The following SLC35F1 variants were observed in gnomAD, a reference collection of about 807,000 sequenced individuals.
SLC35F1 encodes the protein chromosome 6 open reading frame 169.
SLC35F1 carries 14 observed loss-of-function variants against 48.7 expected under a neutral mutation model. The ratio of observed to expected loss-of-function variants is 0.29; its 90% confidence interval spans 0.19 to 0.45. SLC35F1 has a LOEUF of 0.45. SLC35F1 is among the 20% of genes least tolerant of loss of function. The probability of loss-of-function intolerance (pLI) is 1.00; values close to 1 mark genes in which losing one functional copy is unlikely to be tolerated. For missense variants in SLC35F1, 404 were observed against 500.0 expected, an observed-to-expected ratio of 0.81 and a Z score of 1.83; for synonymous variants, 190 against 202.2, an observed-to-expected ratio of 0.94 and a Z score of 0.51.
intron 1 of SLC35F1, among the ~76,000 whole-genome samples, chr6:118,144,797 T>C (rs1000811359): frequency 6.6e-6 from 1 of 152,156 alleles, no homozygotes; most frequent in Non-Finnish European, 1.5e-5. Flanking sequence ...ATTTTTAACA[T>C]GTAAATTGAC....
chr6:118,277,416 T>TG (rs1017883948), intron 5 of SLC35F1, 78 bp from the exon 6 acceptor site: 153 of 1,277,352 alleles, frequency 1.2e-4, no homozygotes, highest in African/African-American at 2.8e-4. Context: ...ATCTGATAAG[T>TG]GGGGGGGAAA....
At chr6:118,081,883 A>T (rs1240952092) in intron 1 of SLC35F1, among the ~76,000 whole-genome samples, 1 of 152,174 alleles carries the variant, frequency 6.6e-6, no homozygotes. Flanking sequence ...GACTTGGCCC[A>T]TGATTTACTC....
intron 1 of SLC35F1, among the ~76,000 whole-genome samples, chr6:118,123,802 C>T (rs543603275): frequency 6.6e-6 from 1 of 152,148 alleles, no homozygotes; most frequent in South Asian, 2.1e-4. Flanking sequence ...AACTCTGAGT[C>T]AAAATGGTAA....
At chr6:117,998,965 T>C (rs922783279) in intron 1 of SLC35F1, 2 of 1,001,180 alleles carry the variant, frequency 2.0e-6, no homozygotes. Flanking sequence ...CCGCGGCTTA[T>C]GGTGCAGACA....
At chr6:118,079,969 A>G (rs989060057) in intron 1 of SLC35F1, among the ~76,000 whole-genome samples, 4 of 152,150 alleles carry the variant, frequency 2.6e-5, no homozygotes, top group Non-Finnish European at 5.9e-5. Context: ...GCATGTCCAT[A>G]TCTCCAAACT....
intron 1 of SLC35F1, among the ~76,000 whole-genome samples, chr6:118,089,377 A>C (rs895387827): frequency 1.3e-5 from 2 of 152,214 alleles, no homozygotes; most frequent in Non-Finnish European, 2.9e-5. Context: ...AACCTAAAAG[A>C]AACAAAAGAA....
At chr6:117,953,106 G>C (rs1400570946) in intron 1 of SLC35F1, among the ~76,000 whole-genome samples, 1 of 152,172 alleles carries the variant, frequency 6.6e-6, no homozygotes, top group East Asian at 1.9e-4. Flanking sequence ...ACTGATGGTA[G>C]AGAGTAGTTG....
At chr6:118,195,722 T>C (rs1198374239) in intron 2 of SLC35F1, among the ~76,000 whole-genome samples, 1 of 152,180 alleles carries the variant, frequency 6.6e-6, no homozygotes, top group African/African-American at 2.4e-5. Flanking sequence ...CCAGTTTCTG[T>C]TGTGACTTCC....
intron 2 of SLC35F1, among the ~76,000 whole-genome samples, chr6:118,156,328 G>T (rs535605751): frequency 6.6e-6 from 1 of 151,914 alleles, no homozygotes; most frequent in Admixed American, 6.6e-5. Context: ...CCTCAGGAGG[G>T]CCTGAGAACA....
At chr6:118,225,257 C>T (rs1239095578) in intron 2 of SLC35F1, among the ~76,000 whole-genome samples, 1 of 152,028 alleles carries the variant, frequency 6.6e-6, no homozygotes, top group African/African-American at 2.4e-5. Context: ...AAAGTTATGG[C>T]AATTAAATCA....
At chr6:118,259,631 C>A (rs1454217110) in intron 3 of SLC35F1, among the ~76,000 whole-genome samples, 2 of 135,952 alleles carry the variant, frequency 1.5e-5, no homozygotes, top group East Asian at 2.0e-4. Flanking sequence ...GGTTTAATAT[C>A]ATTTGTCACT....
At chr6:117,925,169 T>G (rs1160723761) in intron 1 of SLC35F1, among the ~76,000 whole-genome samples, 1 of 152,178 alleles carries the variant, frequency 6.6e-6, no homozygotes, top group Non-Finnish European at 1.5e-5. Context: ...TTACCTCAGA[T>G]AGTTAATCTA....
chr6:117,976,002 C>T lies in SLC35F1; in HGVS notation c.173+68103C>T, dbSNP rs530120473. Among the ~76,000 whole-genome samples, 9 of 152,308 alleles carry T rather than the reference C, an allele frequency of 5.9e-5. No individual in the cohort carries two copies. The South Asian group carries it at 1.9e-3, about 32-fold the overall frequency. On this transcript the variant is annotated intron_variant, in intron 1 of 7. Transcript: ENST00000360388. The stretch of plus-strand genomic sequence containing the variant: ...GTAGTACAGAACATTCACGTTGCCT[C>T]TCATGAATTTTAAGACAAGCTGTAA...
At chr6:118,259,349 G>C (rs1326049465) in intron 3 of SLC35F1, among the ~76,000 whole-genome samples, 1 of 151,874 alleles carries the variant, frequency 6.6e-6, no homozygotes, top group Non-Finnish European at 1.5e-5. Flanking sequence ...TTTTAAAAGT[G>C]TATACTCTTT....
At chr6:118,168,341 ATATAG>A (rs1774350040) in intron 2 of SLC35F1, among the ~76,000 whole-genome samples, 1 of 152,188 alleles carries the variant, frequency 6.6e-6, no homozygotes, top group Non-Finnish European at 1.5e-5. Context: ...CTAAAACAGC[ATATAG>A]TAGAGAACCT....
intron 2 of SLC35F1, among the ~76,000 whole-genome samples, chr6:118,201,749 C>A (rs1328120283): frequency 6.6e-6 from 1 of 152,170 alleles, no homozygotes; most frequent in Non-Finnish European, 1.5e-5. Context: ...AAATCCCATA[C>A]CCCATTGGTA....
At position 118,294,575 on chromosome 6, in the gene SLC35F1, A is replaced by C. The variant is rs114879548; in HGVS notation, c.1002+9237A>C. On this transcript the variant is annotated intron_variant, in intron 7 of 7. Coordinates refer to ENST00000360388, the MANE Select transcript of SLC35F1 (RefSeq NM_001029858.4). Reference sequence around the variant, plus strand: ...TTGTAATAAAGTTGAGAGTAATTTCATGAGAACATGTTATTTTCGTAACTT... The same window carrying C: ...TTGTAATAAAGTTGAGAGTAATTTCCTGAGAACATGTTATTTTCGTAACTT... Among the ~76,000 whole-genome samples, 776 of 152,340 alleles carry C rather than the reference A, an allele frequency of 5.1e-3. 9 individuals carry two copies. The highest frequency in any genetic ancestry group is 0.018 in the African/African-American group (744 of 41,578).
intron 1 of SLC35F1, among the ~76,000 whole-genome samples, chr6:117,989,909 A>G (rs1185476007): frequency 6.6e-6 from 1 of 152,190 alleles, no homozygotes; most frequent in African/African-American, 2.4e-5. Context: ...GACAAGTAAC[A>G]ATGTTTTATC....
intron 2 of SLC35F1, among the ~76,000 whole-genome samples, chr6:118,180,532 A>G (rs1242194705): frequency 6.6e-6 from 1 of 152,160 alleles, no homozygotes; most frequent in Admixed American, 6.6e-5. Flanking sequence ...AACAACAAAT[A>G]GAATTTCTAG....
Sources: gnomAD v4.1 joint callset for allele counts (sites outside exome capture counted in the v4.1 genomes callset) on GRCh38, gnomAD v4.1.1 for gene constraint, MANE v1.5 for transcripts, NCBI Gene and HGNC (gene_info 2026-07-23, HGNC 2026-07-21) for gene names.